TMA7B: variants seen among roughly 807,000 people sequenced by gnomAD.
The protein encoded by TMA7B is translation machinery-associated protein 7B.
the TMA7B span, among the ~76,000 whole-genome samples, chr22:39,961,605 C>T: frequency 6.6e-6 from 1 of 152,188 alleles, no homozygotes; most frequent in Non-Finnish European, 1.5e-5. Flanking sequence ...GTAGACATTA[C>T]ACAGCCCCAA....
At chr22:39,962,666 T>C in the TMA7B span, among the ~76,000 whole-genome samples, 1 of 151,832 alleles carries the variant, frequency 6.6e-6, no homozygotes, top group Non-Finnish European at 1.5e-5. Context: ...TGTGGTTTCG[T>C]TGGTTTTTTG....
At chr22:39,962,657 G>A in the TMA7B span, among the ~76,000 whole-genome samples, 1 of 151,840 alleles carries the variant, frequency 6.6e-6, no homozygotes, top group Non-Finnish European at 1.5e-5. Flanking sequence ...TATGGTTTTT[G>A]TGGTTTCGTT....
chr22:39,960,449 C>T, the TMA7B span: 2 of 411,556 alleles, frequency 4.9e-6, no homozygotes, highest in Non-Finnish European at 9.0e-6. Flanking sequence ...GCAGGATTTT[C>T]CTCTACTTCA....
the TMA7B span, among the ~76,000 whole-genome samples, chr22:39,961,209 C>T: frequency 1.3e-5 from 2 of 152,104 alleles, no homozygotes; most frequent in Non-Finnish European, 2.9e-5. Context: ...CTGCCTTGGC[C>T]TCCCCCATAG....
chr22:39,964,226 C>A, the TMA7B span: 1 of 575,928 alleles, frequency 1.7e-6, no homozygotes, highest in African/African-American at 1.9e-5. Context: ...AAGGCTCAGC[C>A]CACCCTTCCT....
chr22:39,964,845 C>T, the TMA7B span: 1 of 304,856 alleles, frequency 3.3e-6, no homozygotes, highest in Non-Finnish European at 6.0e-6. Context: ...GCTCTTTGGT[C>T]GTTGTTCTAC....
the TMA7B span, chr22:39,960,602 G>T: frequency 1.8e-5 from 3 of 163,358 alleles, no homozygotes; most frequent in Admixed American, 1.7e-4. Context: ...TTTTATGATT[G>T]ATGCATATCT....
chr22:39,961,768 G>T, the TMA7B span, among the ~76,000 whole-genome samples: 1 of 152,168 alleles, frequency 6.6e-6, no homozygotes, highest in African/African-American at 2.4e-5. Context: ...CAAGTTATTG[G>T]CAGGAAATAC....
At chr22:39,961,575 G>A in the TMA7B span, among the ~76,000 whole-genome samples, 1 of 152,202 alleles carries the variant, frequency 6.6e-6, no homozygotes, top group Non-Finnish European at 1.5e-5. Flanking sequence ...GCAACCCATA[G>A]GAAGTGACTC....
chr22:39,964,715 T>TAA, the TMA7B span: 4,410 of 307,058 alleles, frequency 0.014, 40 homozygotes, highest in African/African-American at 0.039. Context: ...TAAACTTTTG[T>TAA]AAAAAAAAAA....
chr22:39,961,710 A>G, the TMA7B span, among the ~76,000 whole-genome samples: 4 of 152,226 alleles, frequency 2.6e-5, no homozygotes, highest in Admixed American at 2.0e-4. Flanking sequence ...AACTGCAAGA[A>G]TATAATGCTG....
chr22:39,963,786 G>C, the TMA7B span: 1 of 152,526 alleles, frequency 6.6e-6, no homozygotes, highest in Non-Finnish European at 1.5e-5. Flanking sequence ...GGGAGGCTGA[G>C]GTGGGCGGAT....
chr22:39,964,585 TA>T, the TMA7B span: 1 of 786,942 alleles, frequency 1.3e-6, no homozygotes, highest in Non-Finnish European at 2.3e-6. Flanking sequence ...TCCTTGTGCC[TA>T]AGGAGACGGT....
the TMA7B span, chr22:39,964,349 G>A: frequency 1.4e-6 from 1 of 710,608 alleles, no homozygotes; most frequent in Non-Finnish European, 2.5e-6. Flanking sequence ...CCAGTGGCAG[G>A]GTCTGGGGAA....
At chr22:39,964,227 C>T in the TMA7B span, 2 of 576,250 alleles carry the variant, frequency 3.5e-6, no homozygotes, top group Non-Finnish European at 6.1e-6. Flanking sequence ...AGGCTCAGCC[C>T]ACCCTTCCTA....
At chr22:39,961,287 G>A in the TMA7B span, among the ~76,000 whole-genome samples, 1 of 152,076 alleles carries the variant, frequency 6.6e-6, no homozygotes, top group Admixed American at 6.6e-5. Context: ...TCACTCAGGG[G>A]GAGAAAGAGG....
the TMA7B span, chr22:39,964,371 C>T: frequency 2.8e-6 from 2 of 727,192 alleles, no homozygotes; most frequent in Non-Finnish European, 2.5e-6. Flanking sequence ...GGGCGGCAGG[C>T]GCCATGTCCA....
chr22:39,964,626 C>A, the TMA7B span: 1 of 666,118 alleles, frequency 1.5e-6, no homozygotes, highest in East Asian at 2.6e-5. Flanking sequence ...ATTTAAACCT[C>A]TCTATTCCCT....
the TMA7B span, among the ~76,000 whole-genome samples, chr22:39,962,806 G>A: frequency 6.6e-6 from 1 of 152,002 alleles, no homozygotes; most frequent in African/African-American, 2.4e-5. Context: ...CCATGGGTTC[G>A]CACCACCACG....
Sources: gnomAD v4.1 joint callset for allele counts (sites outside exome capture counted in the v4.1 genomes callset) on GRCh38, gnomAD v4.1.1 for gene constraint, MANE v1.5 for transcripts, NCBI Gene and HGNC (gene_info 2026-07-23, HGNC 2026-07-21) for gene names.